The following FNTB variants were observed in gnomAD, a reference collection of about 807,000 sequenced individuals.
FNTB encodes protein farnesyltransferase subunit beta.
In FNTB, 27 loss-of-function variants were observed where a neutral mutation model predicts 59.4. The observed-to-expected ratio is 0.45, with a 90% CI of 0.34 to 0.63. The LOEUF is 0.63. Among genes scored for constraint, FNTB ranks in the 20% least tolerant of loss-of-function variants. FNTB has a pLI of 0.02. For synonymous variants in FNTB, 230 were observed against 220.7 expected, an observed-to-expected ratio of 1.04 and a Z score of -0.37; for missense variants, 449 against 559.6, an observed-to-expected ratio of 0.80 and a Z score of 1.99.
In FNTB at chr14:65,025,484, C is replaced by A. The variant is rs143107146; in HGVS notation, c.375-1969C>A. Among the ~76,000 whole-genome samples the A allele has an allele frequency of 1.8e-4, 28 of 152,228 alleles. No individual in the cohort carries two copies. The East Asian group carries it at 5.4e-3, about 29-fold the overall frequency. On this transcript the variant is annotated intron_variant, in intron 4 of 11. Transcript: ENST00000246166. Reference sequence around the variant, plus strand: ...TTGATGACGATTTGGAAAGAAGGAACAAATTCAAGTTCTCTACAGAAATTA... The same window carrying A: ...TTGATGACGATTTGGAAAGAAGGAAAAAATTCAAGTTCTCTACAGAAATTA...
At chr14:65,003,240 G>T (rs1048961491) in intron 1 of FNTB, 1 of 152,026 alleles carries the variant, frequency 6.6e-6, no homozygotes, top group Non-Finnish European at 1.5e-5. Context: ...ATTTGTTTTG[G>T]TGTTTCAACA....
rs998783485 is a variant in FNTB at position 65,012,210 on chromosome 14, G to T, written c.210-107G>T. On this transcript the variant is annotated intron_variant, in intron 2 of 11. Coordinates refer to ENST00000246166, the MANE Select transcript of FNTB (RefSeq NM_002028.4). This position sits in a 1 kb window ranked among gnomAD's most constrained non-coding sequence, Gnocchi z 5.0. Reference sequence around the variant, plus strand: ...GTTATCCAGTCAGTGATTGCAGGGGGACGTCCTGAAGCTGAGTGTTTACCC... The same window carrying T: ...GTTATCCAGTCAGTGATTGCAGGGGTACGTCCTGAAGCTGAGTGTTTACCC... The T allele has an allele frequency of 7.2e-7, 1 of 1,380,198 alleles. No homozygotes were observed. Among genetic ancestry groups the T allele is most frequent in the Non-Finnish European group, 1.0e-6 (1 of 984,294 alleles). The allele number at this position is 1,380,198 out of a possible 1,614,324, so 85.5% of individuals were successfully genotyped here. A position where few individuals can be genotyped will look rare whatever the true frequency, so the allele number is the denominator to read the frequency against.
In FNTB at chr14:65,061,162, CCTTTT is replaced by C; in HGVS notation, c.1183-15_1183-11del. On this transcript the variant is annotated splice_polypyrimidine_tract_variant and intron_variant, in intron 11 of 11. Coordinates refer to ENST00000246166, the MANE Select transcript of FNTB (RefSeq NM_002028.4). The stretch of plus-strand genomic sequence containing the variant: ...GGACCACCGGGGTGATTAACTGGCA[CCTTTT>C]CTTCTCTTTGCAGCAGCCCACTCAC... 6.2e-7 allele frequency: 1 copy of C among 1,613,544 alleles called. No homozygotes were observed. Among genetic ancestry groups the C allele is most frequent in the Non-Finnish European group, 8.5e-7 (1 of 1,179,600 alleles).
In FNTB at chr14:65,007,409, C is replaced by T. The variant is rs1325725883; in HGVS notation, c.209+3096C>T. Among the ~76,000 whole-genome samples the T allele has an allele frequency of 6.6e-6, 1 of 152,198 alleles. No homozygotes were observed. Among genetic ancestry groups the T allele is most frequent in the Non-Finnish European group, 1.5e-5 (1 of 68,042 alleles). On this transcript the variant is annotated intron_variant, in intron 2 of 11. Coordinates refer to ENST00000246166, the MANE Select transcript of FNTB (RefSeq NM_002028.4). The surrounding 1 kb of genome is among the most constrained non-coding windows in gnomAD (Gnocchi z 4.9). ...GCTGATCAAATGGGACAGACTCACA[C>T]ACATGCCCAGGACCACAGACCACGC...
chr14:65,057,782 A>G lies in FNTB; in HGVS notation c.1182+3093A>G, dbSNP rs147508580. Among the ~76,000 whole-genome samples the G allele has an allele frequency of 3.5e-3, 527 of 152,338 alleles. 5 individuals carry two copies. The highest frequency in any genetic ancestry group is 0.012 in the African/African-American group (511 of 41,578). ...TATCTTTTTTCCATATGGATAACCAATTGACCAGCACCATTTACTGAAGTC... is the reference window on the plus strand; with the variant it reads ...TATCTTTTTTCCATATGGATAACCAGTTGACCAGCACCATTTACTGAAGTC... On this transcript the variant is annotated intron_variant, in intron 11 of 11. Coordinates refer to ENST00000246166, the MANE Select transcript of FNTB (RefSeq NM_002028.4).
chr14:65,000,815 C>CAAAAAAAAAAAA (rs59420832), intron 1 of FNTB, among the ~76,000 whole-genome samples: 11 of 36,476 alleles, frequency 3.0e-4, no homozygotes, highest in African/African-American at 6.7e-4. Context: ...GACTCCGTCT[C>CAAAAAAAAAAAA]AAAAAAAAAA....
chr14:65,044,539 T>TA lies in FNTB; in HGVS notation c.955+96_955+97insA. 1 of 1,516,722 alleles carries TA rather than the reference T, an allele frequency of 6.6e-7. No individual in the cohort carries two copies. Among genetic ancestry groups the TA allele is most frequent in the Non-Finnish European group, 8.8e-7 (1 of 1,137,162 alleles). 94.0% of individuals were successfully genotyped at this position (1,516,722 alleles called of 1,614,324 possible). A position where few individuals can be genotyped will look rare whatever the true frequency, so the allele number is the denominator to read the frequency against. ...GCGTGCTTTTTTAGAGGGGTTGAAA[T>TA]GAGCTCTGTCTATCCTGGATTTTGA... is the stretch of plus-strand genomic sequence containing the variant. On this transcript the variant is annotated intron_variant, in intron 9 of 11. Transcript: ENST00000246166. This position sits in a 1 kb window ranked among gnomAD's most constrained non-coding sequence, Gnocchi z 5.5.
chr14:65,026,980 C>T (rs2061994322), intron 4 of FNTB, among the ~76,000 whole-genome samples: 1 of 152,016 alleles, frequency 6.6e-6, no homozygotes, highest in Non-Finnish European at 1.5e-5. Context: ...TCATGATAGG[C>T]CTAGGTGATG....
chr14:65,052,085 G>C (rs762944318), intron 9 of FNTB, among the ~76,000 whole-genome samples: 3 of 152,044 alleles, frequency 2.0e-5, no homozygotes, highest in Non-Finnish European at 4.4e-5. Context: ...ATAAGCCATC[G>C]TGCCTGGCCC....
At chr14:65,049,863 T>C (rs781579465) in intron 9 of FNTB, among the ~76,000 whole-genome samples, 2 of 152,150 alleles carry the variant, frequency 1.3e-5, no homozygotes, top group Non-Finnish European at 2.9e-5. Flanking sequence ...ATGACAATTT[T>C]AGAACATTTT....
chr14:65,044,234 T>A lies in FNTB; in HGVS notation c.823-77T>A. The A allele has an allele frequency of 1.2e-6, 2 of 1,601,402 alleles. No individual in the cohort carries two copies. Among genetic ancestry groups the A allele is most frequent in the Non-Finnish European group, 1.7e-6 (2 of 1,175,724 alleles). On this transcript the variant is annotated intron_variant, in intron 8 of 11. Coordinates refer to ENST00000246166, the MANE Select transcript of FNTB (RefSeq NM_002028.4). The surrounding 1 kb of genome is among the most constrained non-coding windows in gnomAD (Gnocchi z 5.5). ...ATGGGAAACCCTCCATCCCACAGAT[T>A]GACTCCTGGAGATTCTGTCGGGCTG...
chr14:65,020,789 T>G (rs1030602359), intron 4 of FNTB, among the ~76,000 whole-genome samples: 1 of 142,112 alleles, frequency 7.0e-6, no homozygotes, highest in African/African-American at 2.6e-5. Context: ...TGTAGTGCAG[T>G]GGCATGATCT....
In FNTB at chr14:65,028,820, T is replaced by C. The variant is rs991269480; in HGVS notation, c.605+1039T>C. 6.6e-6 allele frequency among the ~76,000 whole-genome samples: 1 copy of C among 152,206 alleles called. No individual in the cohort carries two copies. Among genetic ancestry groups the C allele is most frequent in the African/African-American group, 2.4e-5 (1 of 41,456 alleles). On this transcript the variant is annotated intron_variant, in intron 6 of 11. Coordinates refer to ENST00000246166, the MANE Select transcript of FNTB (RefSeq NM_002028.4). The surrounding 1 kb of genome is among the most constrained non-coding windows in gnomAD (Gnocchi z 4.4). ...AAGGAAAATGTTAAAAGAGTTTTTT[T>C]CCCTCGTGTTCACTACATTTTCGTT...
At chr14:64,987,838 C>T (rs1190805329) in intron 1 of FNTB, among the ~76,000 whole-genome samples, 4 of 152,058 alleles carry the variant, frequency 2.6e-5, no homozygotes, top group African/African-American at 9.7e-5. Context: ...ATTCATATGC[C>T]CAAAACCATA....
chr14:65,004,609 T>A (rs1252789692), intron 2 of FNTB, among the ~76,000 whole-genome samples: 1 of 152,044 alleles, frequency 6.6e-6, no homozygotes, highest in Non-Finnish European at 1.5e-5. Flanking sequence ...TGTTTAGTGG[T>A]GGCCTGCTGC....
At chr14:65,035,857 C>T (rs1005055871) in intron 7 of FNTB, among the ~76,000 whole-genome samples, 3 of 150,440 alleles carry the variant, frequency 2.0e-5, no homozygotes, top group African/African-American at 4.9e-5. Context: ...TTTGAAGACA[C>T]GGTCTTGCTT....
At chr14:65,004,222 C>T in intron 1 of FNTB, 27 bp from the exon 2 acceptor site, 4 of 1,605,978 alleles carry the variant, frequency 2.5e-6, no homozygotes, top group Non-Finnish European at 3.4e-6. Context: ...TTTGTTTTCT[C>T]TCTCCTATCT....
At chr14:65,043,978 T>A (rs1351711732) in intron 8 of FNTB, among the ~76,000 whole-genome samples, 1 of 152,200 alleles carries the variant, frequency 6.6e-6, no homozygotes, top group African/African-American at 2.4e-5. Flanking sequence ...CCATGTTTAT[T>A]AAGAGACTTT....
intron 9 of FNTB, among the ~76,000 whole-genome samples, chr14:65,048,620 A>G (rs2062539824): frequency 6.6e-6 from 1 of 152,216 alleles, no homozygotes; most frequent in African/African-American, 2.4e-5. Flanking sequence ...TGGGAGGCCA[A>G]AGCAGGAGGA....
Sources: allele counts gnomAD v4.1 joint callset (sites outside exome capture counted in the v4.1 genomes callset), GRCh38; gene constraint gnomAD v4.1.1; non-coding constraint Gnocchi (gnomAD v3.1); transcripts MANE v1.5; gene names NCBI Gene and HGNC (gene_info 2026-07-23, HGNC 2026-07-21).